MNAT1: variants seen among roughly 807,000 people sequenced by gnomAD.
MNAT1 encodes the protein MNAT1 component of CDK activating kinase, also known as CDK-activating kinase assembly factor MAT1.
A neutral mutation model predicts 42.0 loss-of-function variants in MNAT1; 43 were observed. The ratio of observed to expected loss-of-function variants is 1.02; its 90% confidence interval spans 0.80 to 1.32. MNAT1 has a LOEUF of 1.32. Ranked by LOEUF, MNAT1 falls within the 40% of genes most tolerant of loss-of-function variation. MNAT1 has a pLI of 0.00. For synonymous variants in MNAT1, 118 were observed against 120.0 expected (o/e 0.98, Z 0.11); for missense variants, 306 against 350.4 (o/e 0.87, Z 1.01).
At chr14:60,849,611 A>G (rs2033770163) in intron 6 of MNAT1, among the ~76,000 whole-genome samples, 1 of 152,184 alleles carries the variant, frequency 6.6e-6, no homozygotes, top group Non-Finnish European at 1.5e-5. Context: ...GCATGTAAAT[A>G]TGCACTGTGG....
intron 7 of MNAT1, among the ~76,000 whole-genome samples, chr14:60,912,618 A>T (rs1259596979): frequency 2.0e-5 from 3 of 152,174 alleles, no homozygotes; most frequent in Non-Finnish European, 2.9e-5. Flanking sequence ...TGGGTTGAAA[A>T]TTCTTTTCTT....
intron 5 of MNAT1, among the ~76,000 whole-genome samples, chr14:60,812,340 A>G (rs1159468409): frequency 6.6e-6 from 1 of 152,190 alleles, no homozygotes; most frequent in Non-Finnish European, 1.5e-5. Flanking sequence ...TATGCTCACA[A>G]TTCTGTGGGT....
At chr14:60,882,626 A>G (rs2034577085) in intron 7 of MNAT1, among the ~76,000 whole-genome samples, 2 of 152,116 alleles carry the variant, frequency 1.3e-5, no homozygotes, top group African/African-American at 2.4e-5. Flanking sequence ...ATCATATAGT[A>G]GCTCTATTTT....
chr14:60,808,421 T>A lies in MNAT1; in HGVS notation c.413T>A (p.Leu138Ter). 1 of 1,529,190 alleles carries A rather than the reference T, an allele frequency of 6.5e-7. No individual in the cohort carries two copies. The highest frequency in any genetic ancestry group is 8.8e-7 in the Non-Finnish European group (1 of 1,129,946). 94.7% of individuals were successfully genotyped at this position (1,529,190 alleles called of 1,614,324 possible). Reference sequence around the variant, plus strand: ...AAAGATGTTATTCAGAAAAATAAATTAAAGCTGGTCGGTTGCTAAGTATTT... The same window carrying A: ...AAAGATGTTATTCAGAAAAATAAATAAAAGCTGGTCGGTTGCTAAGTATTT... ...ENKDVIQKNK[L>*]KLTREQEELE... is the part of the protein sequence containing the mutation. The change falls in exon 4 of 8, where the codon TTA (leucine) becomes TAA (stop). Residue 138 changes from leucine to a stop codon, truncating the protein, a stop_gained. Transcript: ENST00000261245. LOFTEE classifies it high-confidence loss of function.
chr14:60,830,903 T>A (rs903277525), intron 6 of MNAT1, among the ~76,000 whole-genome samples: 2 of 152,086 alleles, frequency 1.3e-5, no homozygotes, highest in African/African-American at 4.8e-5. Context: ...ATTCAGTTAT[T>A]TTTGCATACT....
At chr14:60,786,332 A>T (rs2031650686) in intron 1 of MNAT1, among the ~76,000 whole-genome samples, 1 of 152,052 alleles carries the variant, frequency 6.6e-6, no homozygotes, top group Non-Finnish European at 1.5e-5. Flanking sequence ...TAAATGAGAA[A>T]ATCTTAATGG....
At chr14:60,750,026 A>C (rs945731948) in intron 1 of MNAT1, among the ~76,000 whole-genome samples, 1 of 152,158 alleles carries the variant, frequency 6.6e-6, no homozygotes, top group Non-Finnish European at 1.5e-5. Context: ...TTTAAAGTAC[A>C]GATTTCTGGG....
intron 7 of MNAT1, among the ~76,000 whole-genome samples, chr14:60,880,270 G>C (rs1188333305): frequency 6.6e-6 from 1 of 152,114 alleles, no homozygotes; most frequent in Admixed American, 6.6e-5. Context: ...AATATATTTT[G>C]TTGAAAGGTA....
intron 1 of MNAT1, among the ~76,000 whole-genome samples, chr14:60,741,611 G>A (rs1046358320): frequency 5.4e-5 from 8 of 148,244 alleles, no homozygotes; most frequent in African/African-American, 1.5e-4. Context: ...CTCCTGCCTC[G>A]GCCTCCCAAA....
chr14:60,917,030 A>G (rs1566556125), intron 7 of MNAT1, among the ~76,000 whole-genome samples: 2 of 152,198 alleles, frequency 1.3e-5, no homozygotes, highest in South Asian at 4.1e-4. Context: ...AAACTTTTGT[A>G]AAACCCACTT....
chr14:60,775,573 G>A (rs10142922), intron 1 of MNAT1, among the ~76,000 whole-genome samples: 144,262 of 152,264 alleles, frequency 0.95, 68,608 homozygotes, highest in Non-Finnish European at 0.99. Flanking sequence ...TGCAGGAGAA[G>A]GGGGAGATAA....
intron 3 of MNAT1, among the ~76,000 whole-genome samples, chr14:60,807,488 G>A (rs1049767949): frequency 1.3e-5 from 2 of 152,110 alleles, no homozygotes; most frequent in African/African-American, 4.8e-5. Context: ...GGAAGCTAAA[G>A]GAGGCTTGAA....
intron 5 of MNAT1, among the ~76,000 whole-genome samples, chr14:60,817,325 A>G (rs926824249): frequency 4.6e-5 from 7 of 151,894 alleles, no homozygotes; most frequent in Admixed American, 2.0e-4. Context: ...GGTGTAGAAT[A>G]TAAAAGGTAT....
chr14:60,874,160 T>C (rs915840996), intron 6 of MNAT1, among the ~76,000 whole-genome samples: 2 of 152,208 alleles, frequency 1.3e-5, no homozygotes, highest in South Asian at 4.1e-4. Context: ...ACATTATTTA[T>C]TTATCATTTA....
chr14:60,735,231 T>G (rs75189553), intron 1 of MNAT1, among the ~76,000 whole-genome samples: 1 of 152,158 alleles, frequency 6.6e-6, no homozygotes, highest in African/African-American at 2.4e-5. Context: ...ATTTCCAGGC[T>G]TTGTGTTGTT....
chr14:60,890,572 C>G (rs553348423), intron 7 of MNAT1, among the ~76,000 whole-genome samples: 1 of 152,284 alleles, frequency 6.6e-6, no homozygotes, highest in Admixed American at 6.5e-5. Context: ...CCCAAAATCT[C>G]AAAAGTAGGG....
intron 6 of MNAT1, among the ~76,000 whole-genome samples, chr14:60,848,883 A>G (rs2033748106): frequency 6.6e-6 from 1 of 152,188 alleles, no homozygotes; most frequent in African/African-American, 2.4e-5. Context: ...GCATTGAGAC[A>G]TGTATTAGTC....
chr14:60,859,759 A>G (rs890516967), intron 6 of MNAT1, among the ~76,000 whole-genome samples: 26 of 152,248 alleles, frequency 1.7e-4, no homozygotes, highest in Middle Eastern at 3.4e-3. Flanking sequence ...GATACCAGGA[A>G]GTTTTGATTG....
intron 7 of MNAT1, among the ~76,000 whole-genome samples, chr14:60,917,612 T>G (rs6573346): frequency 0.66 from 99,829 of 150,944 alleles, 33,378 homozygotes; most frequent in Admixed American, 0.72. Context: ...TGAGTTTTGT[T>G]TTTTTTTTGT....
Sources: allele counts gnomAD v4.1 joint callset (sites outside exome capture counted in the v4.1 genomes callset), GRCh38; gene constraint gnomAD v4.1.1; transcripts MANE v1.5; gene names NCBI Gene and HGNC (gene_info 2026-07-23, HGNC 2026-07-21).